SEMA3E: variants seen among roughly 807,000 people sequenced by gnomAD.
SEMA3E encodes the protein semaphorin-3E.
In SEMA3E, 49 loss-of-function variants were observed where a neutral mutation model predicts 93.6. The observed-to-expected ratio is 0.52, with a 90% CI of 0.42 to 0.66. The LOEUF (loss-of-function observed/expected upper bound fraction) is 0.66, where lower values mean the gene tolerates loss of function less well. SEMA3E is among the 30% of genes least tolerant of loss of function. The pLI is 0.00. For synonymous variants in SEMA3E, 363 were observed against 330.7 expected (o/e 1.10, Z -1.06); for missense variants, 906 against 964.8 (o/e 0.94, Z 0.81).
At chr7:83,619,881 T>C (rs1030053569) in intron 1 of SEMA3E, among the ~76,000 whole-genome samples, 1 of 147,128 alleles carries the variant, frequency 6.8e-6, no homozygotes, top group Non-Finnish European at 1.5e-5. Context: ...GATAGATAGA[T>C]AGATGATAGA....
At chr7:83,478,313 A>T (rs1461504008) in intron 2 of SEMA3E, among the ~76,000 whole-genome samples, 4 of 152,358 alleles carry the variant, frequency 2.6e-5, no homozygotes, top group South Asian at 2.1e-4. Context: ...AAAGTTTCTG[A>T]AACTGAAAGT....
rs1794112923 is a variant in SEMA3E at position 83,648,686 on chromosome 7, C to G, written c.-144G>C. On this transcript the variant is annotated 5_prime_UTR_variant, in exon 1 of 17. Transcript: ENST00000643230. ...CATCAGAAAGCACAGTTCCGAAGTGCCATTTGTCAGGCTGTATTTGGCTAT... is the reference window on the plus strand; with the variant it reads ...CATCAGAAAGCACAGTTCCGAAGTGGCATTTGTCAGGCTGTATTTGGCTAT... 1.4e-6 allele frequency: 1 copy of G among 714,754 alleles called. No homozygotes were observed. The allele number at this position is 714,754 out of a possible 1,614,324, so 44.3% of individuals were successfully genotyped here.
chr7:83,406,097 G>C, intron 7 of SEMA3E, 38 bp from the exon 8 acceptor site: 1 of 1,389,480 alleles, frequency 7.2e-7, no homozygotes, highest in Non-Finnish European at 1.0e-6. Context: ...GTTACCTAAA[G>C]AATTTCGACC....
At chr7:83,632,048 A>C (rs1367309837) in intron 1 of SEMA3E, among the ~76,000 whole-genome samples, 1 of 151,786 alleles carries the variant, frequency 6.6e-6, no homozygotes, top group African/African-American at 2.4e-5. Context: ...CTGGCTAGTC[A>C]GGAGGTTGAG....
At chr7:83,482,836 G>A (rs1336861634) in intron 2 of SEMA3E, among the ~76,000 whole-genome samples, 2 of 152,042 alleles carry the variant, frequency 1.3e-5, no homozygotes, top group East Asian at 3.9e-4. Context: ...GGTTAAAAGA[G>A]AAAGAAAATA....
intron 1 of SEMA3E, among the ~76,000 whole-genome samples, chr7:83,534,405 AT>A (rs1791368842): frequency 6.6e-6 from 1 of 152,166 alleles, no homozygotes; most frequent in Non-Finnish European, 1.5e-5. Context: ...TGGCTTTACC[AT>A]TTATAAATAA....
chr7:83,517,749 G>C (rs918383101), intron 1 of SEMA3E, among the ~76,000 whole-genome samples: 10 of 152,124 alleles, frequency 6.6e-5, no homozygotes, highest in African/African-American at 2.2e-4. Flanking sequence ...TACCTCCAGA[G>C]ATCAAACTTT....
chr7:83,381,501 T>A (rs1284618372), intron 16 of SEMA3E, among the ~76,000 whole-genome samples: 1 of 151,950 alleles, frequency 6.6e-6, no homozygotes, highest in Non-Finnish European at 1.5e-5. Flanking sequence ...ATGGCCACCC[T>A]TTTAAAATTC....
chr7:83,575,298 T>C (rs1792376590), intron 1 of SEMA3E, among the ~76,000 whole-genome samples: 1 of 151,480 alleles, frequency 6.6e-6, no homozygotes, highest in African/African-American at 2.4e-5. Flanking sequence ...CACAGTGTTA[T>C]TACCTGCATA....
At chr7:83,446,077 A>G (rs1169124757) in intron 4 of SEMA3E, among the ~76,000 whole-genome samples, 1 of 152,192 alleles carries the variant, frequency 6.6e-6, no homozygotes, top group African/African-American at 2.4e-5. Context: ...TGGAGTCTTA[A>G]GTTTATAGGT....
chr7:83,629,402 C>G (rs993247867), intron 1 of SEMA3E, among the ~76,000 whole-genome samples: 3 of 152,124 alleles, frequency 2.0e-5, no homozygotes, highest in Non-Finnish European at 4.4e-5. Flanking sequence ...GCCACCCCTT[C>G]CCCCAGGTCC....
chr7:83,583,317 A>G (rs1562842750), intron 1 of SEMA3E, among the ~76,000 whole-genome samples: 1 of 152,192 alleles, frequency 6.6e-6, no homozygotes, highest in Admixed American at 6.6e-5. Context: ...TAGGATAATT[A>G]GCATTTTCAT....
intron 1 of SEMA3E, among the ~76,000 whole-genome samples, chr7:83,587,319 G>T (rs995822): frequency 0.26 from 39,736 of 151,990 alleles, 5,584 homozygotes; most frequent in East Asian, 0.4. Flanking sequence ...TACATATGAA[G>T]AATATAGGGA....
chr7:83,371,066 T>A (rs1397093166), intron 16 of SEMA3E, among the ~76,000 whole-genome samples: 3 of 152,152 alleles, frequency 2.0e-5, no homozygotes, highest in Non-Finnish European at 4.4e-5. Context: ...GATCAGCTCT[T>A]TTTTCTATAA....
chr7:83,405,171 C>T (rs1788302618), intron 9 of SEMA3E, among the ~76,000 whole-genome samples: 1 of 151,960 alleles, frequency 6.6e-6, no homozygotes, highest in South Asian at 2.1e-4. Context: ...AAAAAAATCA[C>T]TGTGTTCTAG....
intron 1 of SEMA3E, among the ~76,000 whole-genome samples, chr7:83,600,470 C>T (rs1384876422): frequency 6.7e-6 from 1 of 149,124 alleles, no homozygotes; most frequent in Non-Finnish European, 1.5e-5. Context: ...CAGGCGCCCG[C>T]CACCACGCCC....
chr7:83,552,900 C>T (rs1475315072), intron 1 of SEMA3E, among the ~76,000 whole-genome samples: 2 of 151,188 alleles, frequency 1.3e-5, no homozygotes, highest in Non-Finnish European at 2.9e-5. Context: ...TGCCCTTTGC[C>T]TTGTGATCTT....
intron 4 of SEMA3E, among the ~76,000 whole-genome samples, chr7:83,460,626 T>C (rs199793932): frequency 1.9e-4 from 11 of 58,344 alleles, no homozygotes; most frequent in East Asian, 1.6e-3. Context: ...ACCCCTTCTC[T>C]GCTTTTCTGG....
chr7:83,610,419 A>C (rs1026814731), intron 1 of SEMA3E, among the ~76,000 whole-genome samples: 1 of 152,108 alleles, frequency 6.6e-6, no homozygotes, highest in Non-Finnish European at 1.5e-5. Context: ...TCATATAGTT[A>C]TTAAAATTTA....
Sources: allele counts gnomAD v4.1 joint callset (sites outside exome capture counted in the v4.1 genomes callset), GRCh38; gene constraint gnomAD v4.1.1; transcripts MANE v1.5; gene names NCBI Gene and HGNC (gene_info 2026-07-23, HGNC 2026-07-21).